Variants in BRSK2 observed in about 807,000 individuals in gnomAD.
The protein encoded by BRSK2 is BR serine/threonine kinase 2.
BRSK2 carries 19 observed loss-of-function variants against 83.3 expected under a neutral mutation model. The observed-to-expected ratio is 0.23, with a 90% CI of 0.16 to 0.33. The LOEUF is 0.33. Ranked by LOEUF, BRSK2 falls within the 10% of genes least tolerant of loss-of-function variation. The pLI is 1.00. For missense variants in BRSK2, 798 were observed against 1,042.3 expected (o/e 0.77, Z 3.23); for synonymous variants, 519 against 435.4 (o/e 1.19, Z -2.39).
At chr11:1,457,023 T>C (rs1236114365) in intron 18 of BRSK2, 1 of 1,594,476 alleles carries the variant, frequency 6.3e-7, no homozygotes, top group Non-Finnish European at 8.5e-7. Flanking sequence ...GGCCACCAGC[T>C]ACGAGAGTAG....
At chr11:1,419,042 T>G (rs1412761918) in intron 1 of BRSK2, among the ~76,000 whole-genome samples, 2 of 152,242 alleles carry the variant, frequency 1.3e-5, no homozygotes. Context: ...AGCTCCCAGT[T>G]ACAGGTGCGT....
At chr11:1,393,129 G>A (rs1055880257) in intron 1 of BRSK2, among the ~76,000 whole-genome samples, 7 of 152,328 alleles carry the variant, frequency 4.6e-5, no homozygotes, top group East Asian at 3.9e-4. Flanking sequence ...CAGAGATGCC[G>A]AGACACAGTC....
rs147846418 is a variant in BRSK2, at chr11:1,436,424, C to A, written c.186+290C>A. On this transcript the variant is annotated intron_variant, in intron 2 of 19. Transcript: ENST00000528841. ...GTTGCTGCAGGACCTGCTGTGCTAG[C>A]AGGCGGGGCTTCAGTGTTCCCAGCT... 1.8e-3 allele frequency among the ~76,000 whole-genome samples: 273 copies of A among 152,298 alleles called. 1 individual carries two copies. Among genetic ancestry groups the A allele is most frequent in the South Asian group, 5.6e-3 (27 of 4,828 alleles).
At position 1,460,849 on chromosome 11, in the gene BRSK2, G is replaced by C. The variant is rs1220290783; in HGVS notation, c.*126G>C. The C allele has an allele frequency of 1.3e-6, 2 of 1,550,852 alleles. No homozygotes were observed. The highest frequency in any genetic ancestry group is 2.7e-5 in the African/African-American group (2 of 73,058). ...TCCAGACTGTTCTCAGAGCCTGGGA[G>C]GAAAGGAAAGGGGCGTTGGGGCCGG... On this transcript the variant is annotated 3_prime_UTR_variant, in exon 20 of 20. Transcript: ENST00000528841.
At position 1,456,330 on chromosome 11, in the gene BRSK2, G is replaced by A. The variant is rs933571871; in HGVS notation, c.1669-18G>A. On this transcript the variant is annotated intron_variant, in intron 16 of 19. Transcript: ENST00000528841. Reference sequence around the variant, plus strand: ...GACCTGCCAGGCCAGCCACGCTCACGCTGCTCTCTCTCCACAGATTCCCAG... The same window carrying A: ...GACCTGCCAGGCCAGCCACGCTCACACTGCTCTCTCTCCACAGATTCCCAG... The A allele has an allele frequency of 3.2e-6, 5 of 1,540,554 alleles. No individual in the cohort carries two copies. Among genetic ancestry groups the A allele is most frequent in the Non-Finnish European group, 4.4e-6 (5 of 1,142,970 alleles).
At position 1,391,342 on chromosome 11, in the gene BRSK2, G is replaced by A. The variant is rs562428319; in HGVS notation, c.91+967G>A. On this transcript the variant is annotated intron_variant, in intron 1 of 19. Coordinates refer to ENST00000528841, the MANE Select transcript of BRSK2 (RefSeq NM_001256627.2). ...CCAATCCGAGAAGTTCCTTAGACCC[G>A]GGCGGGCAGGGGTGGAGGGAAGGAG... Among the ~76,000 whole-genome samples the A allele has an allele frequency of 2.2e-4, 34 of 152,302 alleles. No individual in the cohort carries two copies. The East Asian group carries it at 4.4e-3, about 20-fold the overall frequency.
rs1284377015 is a variant in BRSK2 at position 1,462,419 on chromosome 11, T to C, written c.*1696T>C. Reference sequence around the variant, plus strand: ...ATAGATTTTAACGCTTCTGTTAACATTAGACCTCTGCCACAGGCTGGGATT... The same window carrying C: ...ATAGATTTTAACGCTTCTGTTAACACTAGACCTCTGCCACAGGCTGGGATT... On this transcript the variant is annotated 3_prime_UTR_variant, in exon 20 of 20. Transcript: ENST00000528841. 6.6e-6 allele frequency: 1 copy of C among 152,300 alleles called. No homozygotes were observed. Among genetic ancestry groups the C allele is most frequent in the Non-Finnish European group, 1.5e-5 (1 of 68,076 alleles). 9.4% of individuals were successfully genotyped at this position (152,300 alleles called of 1,614,324 possible).
intron 12 of BRSK2, among the ~76,000 whole-genome samples, chr11:1,448,880 C>T (rs1243295109): frequency 6.6e-6 from 1 of 152,256 alleles, no homozygotes. Context: ...CGGTCCGGGG[C>T]CTGGGCCGTG....
In BRSK2 at chr11:1,461,310, AC is replaced by A; in HGVS notation, c.*589del. 1 of 418,098 alleles carries A rather than the reference AC, an allele frequency of 2.4e-6. No individual in the cohort carries two copies. 25.9% of individuals were successfully genotyped at this position (418,098 alleles called of 1,614,324 possible). ...GCCCCGTCCACCGCCTCCACGCCGCACCTGGAGGCCTCCTCGCAGGCCCGTG... is the reference window on the plus strand; with the variant it reads ...GCCCCGTCCACCGCCTCCACGCCGCACTGGAGGCCTCCTCGCAGGCCCGTG... On this transcript the variant is annotated 3_prime_UTR_variant, in exon 20 of 20. Transcript: ENST00000528841.
At chr11:1,429,389 A>G in intron 1 of BRSK2, among the ~76,000 whole-genome samples, 1 of 144,074 alleles carries the variant, frequency 6.9e-6, no homozygotes, top group African/African-American at 2.6e-5. Context: ...GTGTGTGTGC[A>G]CTGAGTGTAG....
intron 1 of BRSK2, among the ~76,000 whole-genome samples, chr11:1,426,619 C>T (rs1849261202): frequency 2.0e-5 from 3 of 152,054 alleles, no homozygotes; most frequent in Admixed American, 1.3e-4. Flanking sequence ...CTGTGTGACT[C>T]CTGCCTGGCC....
chr11:1,443,175 C>A, intron 6 of BRSK2, 36 bp downstream of exon 6: 1 of 1,535,910 alleles, frequency 6.5e-7, no homozygotes, highest in Non-Finnish European at 8.7e-7. Flanking sequence ...TCTGTGGGGC[C>A]CAGGGTGGCG....
Position 1,445,288 on chromosome 11 carries a change from C to T in BRSK2, c.813-6C>T. On this transcript the variant is annotated splice_region_variant and splice_polypyrimidine_tract_variant and intron_variant, in intron 9 of 19. Coordinates refer to ENST00000528841, the MANE Select transcript of BRSK2 (RefSeq NM_001256627.2). ...GATGAGCGGGTGGCCCGTCCTGTGT[C>T]CACAGAGGGGGCAAGAATGAGCCCG... is the stretch of plus-strand genomic sequence containing the variant. 2 of 1,603,784 alleles carry T rather than the reference C, an allele frequency of 1.2e-6. No homozygotes were observed. The highest frequency in any genetic ancestry group is 8.5e-7 in the Non-Finnish European group (1 of 1,174,674).
rs113750906 is a variant in BRSK2, at chr11:1,416,728, G to A, written c.92-19312G>A. Among the ~76,000 whole-genome samples, 1,368 of 152,252 alleles carry A rather than the reference G, an allele frequency of 9.0e-3. 23 individuals are homozygous for A. Among genetic ancestry groups the A allele is most frequent in the African/African-American group, 0.031 (1,292 of 41,534 alleles). On this transcript the variant is annotated intron_variant, in intron 1 of 19. Transcript: ENST00000528841. ...TTTGAGGTTTTCTTTTTATCCTTCG[G>A]TTTTGTGTGTTTCGCAGTGACCCAC...
intron 18 of BRSK2, chr11:1,457,002 G>A (rs1467336524): frequency 1.9e-6 from 3 of 1,596,810 alleles, no homozygotes; most frequent in Non-Finnish European, 2.5e-6. Context: ...TGGGCTTAAG[G>A]GCCAGAAGGT....
At chr11:1,443,742 G>C (rs1356646062) in intron 8 of BRSK2, 107 bp downstream of exon 8, 2 of 1,355,326 alleles carry the variant, frequency 1.5e-6, no homozygotes, top group Non-Finnish European at 1.9e-6. Flanking sequence ...GGGCACCCAG[G>C]TGTGTGGGTC....
chr11:1,449,094 C>A (rs36010694), intron 12 of BRSK2, among the ~76,000 whole-genome samples: 5 of 152,226 alleles, frequency 3.3e-5, no homozygotes, highest in Admixed American at 2.6e-4. Flanking sequence ...TGGAACGACG[C>A]ACAGCCGTCC....
At chr11:1,411,104 G>T in intron 1 of BRSK2, 1 of 1,188,554 alleles carries the variant, frequency 8.4e-7, no homozygotes, top group Non-Finnish European at 1.0e-6. Context: ...AGGCAGCCCA[G>T]GTTTGGAGAC....
intron 6 of BRSK2, 24 bp downstream of exon 6, chr11:1,443,163 G>C (rs1298795786): frequency 6.5e-7 from 1 of 1,537,064 alleles, no homozygotes; most frequent in East Asian, 2.4e-5. Context: ...GCCGCGTGCA[G>C]CTCTGTGGGG....
Sources: allele counts gnomAD v4.1 joint callset (sites outside exome capture counted in the v4.1 genomes callset), GRCh38; gene constraint gnomAD v4.1.1; transcripts MANE v1.5; gene names NCBI Gene and HGNC (gene_info 2026-07-23, HGNC 2026-07-21).